Variants in GOLGA3 observed in about 807,000 individuals in gnomAD.
GOLGA3 encodes the protein golgin A3, also known as golgin subfamily A member 3.
A neutral mutation model predicts 169.4 loss-of-function variants in GOLGA3; 75 were observed. The observed-to-expected ratio is 0.44, with a 90% CI of 0.37 to 0.54. The LOEUF (loss-of-function observed/expected upper bound fraction) is 0.54. Ranked by LOEUF, GOLGA3 falls within the 20% of genes least tolerant of loss-of-function variation. The probability of loss-of-function intolerance (pLI) is 0.00; values close to 1 mark genes in which losing one functional copy is unlikely to be tolerated. For synonymous variants in GOLGA3, 824 were observed against 822.4 expected (o/e 1.00, Z -0.03); for missense variants, 1,899 against 1,930.0 (o/e 0.98, Z 0.30).
intron 13 of GOLGA3, among the ~76,000 whole-genome samples, chr12:132,787,481 G>C (rs1457108757): frequency 2.2e-5 from 1 of 45,576 alleles, no homozygotes; most frequent in Non-Finnish European, 4.5e-5. Context: ...CCCTCCCCAA[G>C]AGCCCCCGGG....
At chr12:132,818,041 C>A (rs1950055895) in intron 2 of GOLGA3, among the ~76,000 whole-genome samples, 1 of 143,266 alleles carries the variant, frequency 7.0e-6, no homozygotes. Flanking sequence ...GTGAACCCAC[C>A]CTCCACACCT....
At position 132,782,500 on chromosome 12, in the gene GOLGA3, C is replaced by T; in HGVS notation, c.3268-7G>A. The T allele has an allele frequency of 6.2e-7, 1 of 1,607,860 alleles. No homozygotes were observed. The highest frequency in any genetic ancestry group is 1.7e-4 in the Middle Eastern group (1 of 6,050). Reference sequence around the variant, plus strand: ...AGCCTCTGGATTCTTGAAGCTGAAACATACCAATGTCACTGTAAAATTACC... The same window carrying T: ...AGCCTCTGGATTCTTGAAGCTGAAATATACCAATGTCACTGTAAAATTACC... On this transcript the variant is annotated splice_polypyrimidine_tract_variant and splice_region_variant and intron_variant, in intron 16 of 23. Coordinates refer to ENST00000450791, the MANE Select transcript of GOLGA3 (RefSeq NM_001389683.1).
intron 2 of GOLGA3, 106 bp downstream of exon 2, chr12:132,821,890 T>C (rs1338748343): frequency 4.6e-6 from 3 of 656,170 alleles, no homozygotes; most frequent in Admixed American, 6.1e-5. Flanking sequence ...TTGAATTAAG[T>C]GAAAAGCTCA....
rs1338004784 is a variant in GOLGA3, at chr12:132,808,385, A to C, written c.684T>G (p.Leu228=). 1.2e-6 allele frequency: 2 copies of C among 1,613,934 alleles called. No homozygotes were observed. The highest frequency in any genetic ancestry group is 3.3e-5 in the Admixed American group (2 of 59,992). Residue 228 remains leucine, a synonymous_variant, in exon 5 of 24, where the codon CTT becomes CTG. Transcript: ENST00000450791. Reference sequence around the variant, plus strand: ...TTTTTTTCTCCCTAGGATGTGCCGGAAGCCCCAGGCTGCCCACCTTAGGCC... The same window carrying C: ...TTTTTTTCTCCCTAGGATGTGCCGGCAGCCCCAGGCTGCCCACCTTAGGCC... ...PRGPKVGSLG[L]PAHPREKKTS...
At chr12:132,816,429 GCAGGCA>G in intron 3 of GOLGA3, 105 bp downstream of exon 3, 2 of 1,111,546 alleles carry the variant, frequency 1.8e-6, no homozygotes, top group Non-Finnish European at 2.6e-6. Flanking sequence ...ATGGCACACG[GCAGGCA>G]CAGGCACACA....
At chr12:132,790,106 C>T (rs1001940508) in intron 12 of GOLGA3, among the ~76,000 whole-genome samples, 9 of 151,706 alleles carry the variant, frequency 5.9e-5, no homozygotes, top group Non-Finnish European at 1.2e-4. Context: ...CCAAGGTGGG[C>T]GGATCACGAG....
intron 23 of GOLGA3, among the ~76,000 whole-genome samples, chr12:132,773,576 C>T (rs1009938112): frequency 2.6e-5 from 4 of 152,212 alleles, no homozygotes; most frequent in Admixed American, 2.0e-4. Flanking sequence ...CTCGGGGCGC[C>T]GCCTGGCTCC....
chr12:132,825,822 G>C, intron 1 of GOLGA3: 1 of 1,117,512 alleles, frequency 8.9e-7, no homozygotes. Flanking sequence ...AAGAACATTG[G>C]TCTGGGCTTC....
chr12:132,777,519 G>T lies in GOLGA3; in HGVS notation c.3722+147C>A. 1.2e-6 allele frequency: 1 copy of T among 807,370 alleles called. No individual in the cohort carries two copies. The highest frequency in any genetic ancestry group is 1.9e-6 in the Non-Finnish European group (1 of 515,850). 50.0% of individuals were successfully genotyped at this position (807,370 alleles called of 1,614,324 possible). A position where few individuals can be genotyped will look rare whatever the true frequency, so the allele number is the denominator to read the frequency against. Reference sequence around the variant, plus strand: ...GAGGCTCAGGATTCTGGAGACGGAGGCTGGGTGCCTTCTACTCCTATGATT... The same window carrying T: ...GAGGCTCAGGATTCTGGAGACGGAGTCTGGGTGCCTTCTACTCCTATGATT... On this transcript the variant is annotated intron_variant, in intron 19 of 23. Transcript: ENST00000450791. The surrounding 1 kb of genome is among the most constrained non-coding windows in gnomAD (Gnocchi z 4.7).
At chr12:132,776,807 G>A (rs1035714533) in intron 20 of GOLGA3, 51 bp from the exon 21 acceptor site, 5 of 1,600,860 alleles carry the variant, frequency 3.1e-6, no homozygotes, top group Non-Finnish European at 4.3e-6. Flanking sequence ...TGGCTTTACT[G>A]CCCTGGAAAA....
chr12:132,802,395 G>A (rs1180416604), intron 7 of GOLGA3, among the ~76,000 whole-genome samples: 1 of 151,934 alleles, frequency 6.6e-6, no homozygotes, highest in African/African-American at 2.4e-5. Flanking sequence ...GGGGGGTGCA[G>A]GGGGCACAGG....
intron 17 of GOLGA3, among the ~76,000 whole-genome samples, chr12:132,781,934 C>G (rs1444391219): frequency 6.6e-6 from 1 of 152,112 alleles, no homozygotes; most frequent in Non-Finnish European, 1.5e-5. Flanking sequence ...TGCCCCCCAA[C>G]TAAGCAGGTC....
intron 11 of GOLGA3, 56 bp from the exon 12 acceptor site, chr12:132,791,349 C>T: frequency 1.0e-6 from 1 of 966,952 alleles, no homozygotes; most frequent in Non-Finnish European, 1.6e-6. Context: ...GGGAATCTGT[C>T]TGCACAGATG....
At chr12:132,784,688 G>A (rs549055489) in intron 15 of GOLGA3, among the ~76,000 whole-genome samples, 1 of 151,028 alleles carries the variant, frequency 6.6e-6, no homozygotes, top group African/African-American at 2.4e-5. Flanking sequence ...CACACACCAC[G>A]TGCACATGTT....
In GOLGA3 at chr12:132,777,184, T is replaced by A; in HGVS notation, c.3723-94A>T. On this transcript the variant is annotated intron_variant, in intron 19 of 23. Coordinates refer to ENST00000450791, the MANE Select transcript of GOLGA3 (RefSeq NM_001389683.1). This position sits in a 1 kb window ranked among gnomAD's most constrained non-coding sequence, Gnocchi z 4.7. ...AAATGCTGCCTGTGGAAGGCGTTCGTCCTGGCAGGCCCTCTGCTGTGCACT... is the reference window on the plus strand; with the variant it reads ...AAATGCTGCCTGTGGAAGGCGTTCGACCTGGCAGGCCCTCTGCTGTGCACT... The A allele has an allele frequency of 7.3e-7, 1 of 1,377,396 alleles. No homozygotes were observed. The highest frequency in any genetic ancestry group is 9.9e-7 in the Non-Finnish European group (1 of 1,013,158). The allele number at this position is 1,377,396 out of a possible 1,614,324, so 85.3% of individuals were successfully genotyped here. A position where few individuals can be genotyped will look rare whatever the true frequency, so the allele number is the denominator to read the frequency against.
At position 132,804,806 on chromosome 12, in the gene GOLGA3, T is replaced by C. The variant is rs1397183866; in HGVS notation, c.1507A>G (p.Asn503Asp). The C allele has an allele frequency of 2.5e-6, 4 of 1,614,104 alleles. No homozygotes were observed. The highest frequency in any genetic ancestry group is 1.3e-5 in the African/African-American group (1 of 74,950). Residue 503 changes from asparagine (N) to aspartate (D), a missense_variant, in exon 7 of 24, where the codon AAC becomes GAC. By Grantham distance (23) the Asn-to-Asp change is conservative (BLOSUM62 1). Transcript: ENST00000450791. The surrounding 1 kb of genome is among the most constrained non-coding windows in gnomAD (Gnocchi z 4.1). The stretch of plus-strand genomic sequence containing the variant: ...TGCTCCTCGGCCACCTGCAAGTCGT[T>C]GTTGGACGACGCCAGGCTGGCATTT... ...AKNASLASSN[N>D]DLQVAEEQYQ...
At chr12:132,798,174 A>AG (rs1408770488) in intron 9 of GOLGA3, among the ~76,000 whole-genome samples, 166 bp downstream of exon 9, 4 of 4,066 alleles carry the variant, frequency 9.8e-4, no homozygotes, top group Non-Finnish European at 1.4e-3. Flanking sequence ...GTGAGGGATG[A>AG]GGGGTGGGGG....
rs373001088 is a variant in GOLGA3, at chr12:132,796,751, C to T, written c.1939-51G>A. ...AAAGGCAGGAAACCTTAATAGTGAA[C>T]AGCAGCCGGTGGCCCCGTGCTCTGC... On this transcript the variant is annotated intron_variant, in intron 9 of 23. Coordinates refer to ENST00000450791, the MANE Select transcript of GOLGA3 (RefSeq NM_001389683.1). 119 of 1,570,718 alleles carry T rather than the reference C, an allele frequency of 7.6e-5. No individual in the cohort carries two copies. In the Middle Eastern group the frequency reaches 2.0e-3, roughly 27 times the overall value.
Position 132,770,232 on chromosome 12 carries a change from CAA to C in GOLGA3, c.*2871_*2872del, listed in dbSNP as rs10553966. 0.27 allele frequency: 36,374 copies of C among 135,790 alleles called. 4,954 individuals carry two copies. The highest frequency in any genetic ancestry group is 0.57 in the East Asian group (2,671 of 4,652). The allele number at this position is 135,790 out of a possible 1,614,324, so 8.4% of individuals were successfully genotyped here. On this transcript the variant is annotated 3_prime_UTR_variant, in exon 24 of 24. Transcript: ENST00000450791. ...TGGGCGACAGAGCGAGACTCTGTCT[CAA>C]AAAAAAAAAAAAAAAATTCCAACTT...
Sources: allele counts gnomAD v4.1 joint callset (sites outside exome capture counted in the v4.1 genomes callset), GRCh38; gene constraint gnomAD v4.1.1; non-coding constraint Gnocchi (gnomAD v3.1); transcripts MANE v1.5; gene names NCBI Gene and HGNC (gene_info 2026-07-23, HGNC 2026-07-21).